Variants in CCDC93 observed in about 807,000 individuals in gnomAD.
CCDC93 encodes the protein CCC complex scaffolding subunit CCDC93, also known as coiled-coil domain-containing protein 93.
A neutral mutation model predicts 108.2 loss-of-function variants in CCDC93; 61 were observed. The ratio of observed to expected loss-of-function variants is 0.56; its 90% CI spans 0.46 to 0.70. CCDC93 has a LOEUF of 0.70. Ranked by LOEUF, CCDC93 falls within the 30% of genes least tolerant of loss-of-function variation. CCDC93 has a pLI of 0.00. For missense variants in CCDC93, 685 were observed against 764.2 expected (o/e 0.90, Z 1.22); for synonymous variants, 276 against 260.4 (o/e 1.06, Z -0.58).
At chr2:117,967,856 A>G (rs569005761) in intron 11 of CCDC93, among the ~76,000 whole-genome samples, 36 of 152,354 alleles carry the variant, frequency 2.4e-4, no homozygotes, top group African/African-American at 6.7e-4. Context: ...TCAACTGCAT[A>G]TAAGTATAAT....
intron 3 of CCDC93, 139 bp from the exon 4 acceptor site, chr2:118,001,071 G>C (rs766652564): frequency 1.7e-6 from 1 of 590,514 alleles, no homozygotes; most frequent in Non-Finnish European, 3.0e-6. Flanking sequence ...GTTTCTCCTA[G>C]ATGACTGCAA....
chr2:117,938,998 T>G (rs368833676), intron 20 of CCDC93, 31 bp downstream of exon 20: 6 of 1,227,190 alleles, frequency 4.9e-6, no homozygotes, highest in Non-Finnish European at 7.2e-6. Context: ...TGTTAGCTGC[T>G]TAGCCATTTT....
intron 6 of CCDC93, among the ~76,000 whole-genome samples, chr2:117,993,020 GA>G (rs945732279): frequency 2.6e-5 from 4 of 152,064 alleles, no homozygotes; most frequent in Admixed American, 6.5e-5. Context: ...CTCTATGGCC[GA>G]AAACTGTACC....
At chr2:117,978,573 CTA>C (rs1413810469) in intron 7 of CCDC93, among the ~76,000 whole-genome samples, 4 of 152,138 alleles carry the variant, frequency 2.6e-5, no homozygotes, top group Non-Finnish European at 4.4e-5. Context: ...TCTAATTAAT[CTA>C]TGTTTTTTTA....
intron 3 of CCDC93, among the ~76,000 whole-genome samples, chr2:118,002,372 T>C (rs1159549720): frequency 6.6e-6 from 1 of 152,194 alleles, no homozygotes; most frequent in Non-Finnish European, 1.5e-5. Context: ...GTTTCACCCC[T>C]CAGTCTTAGT....
At chr2:117,962,854 A>G (rs1679438979) in intron 11 of CCDC93, among the ~76,000 whole-genome samples, 1 of 152,156 alleles carries the variant, frequency 6.6e-6, no homozygotes, top group Non-Finnish European at 1.5e-5. Context: ...GATTTTTACA[A>G]TTCAGTAACA....
At chr2:117,975,706 T>C (rs1285040459) in intron 8 of CCDC93, among the ~76,000 whole-genome samples, 1 of 152,226 alleles carries the variant, frequency 6.6e-6, no homozygotes, top group Non-Finnish European at 1.5e-5. Context: ...CAACAGAACA[T>C]GCCAGAGTGC....
Position 117,926,551 on chromosome 2 carries a change from C to T in CCDC93, c.1842+4486G>A, listed in dbSNP as rs1284665730. Among the ~76,000 whole-genome samples the T allele has an allele frequency of 4.6e-5, 7 of 152,276 alleles. No individual in the cohort carries two copies. In the South Asian group the frequency reaches 1.5e-3, roughly 32 times the overall value. ...GGATAAATTCCTGGACACATACACCCTCCCAAGACTAAACGAGGAAGAAGT... is the reference window on the plus strand; with the variant it reads ...GGATAAATTCCTGGACACATACACCTTCCCAAGACTAAACGAGGAAGAAGT... On this transcript the variant is annotated intron_variant, in intron 23 of 23. Transcript: ENST00000376300.
At chr2:118,011,429 T>C (rs1319740577) in intron 1 of CCDC93, among the ~76,000 whole-genome samples, 1 of 152,062 alleles carries the variant, frequency 6.6e-6, no homozygotes, top group Non-Finnish European at 1.5e-5. Context: ...ACATAAAAAT[T>C]TTCTTAAGTA....
At position 117,990,260 on chromosome 2, in the gene CCDC93, G is replaced by A. The variant is rs553654612; in HGVS notation, c.520-4191C>T. Among the ~76,000 whole-genome samples, 27 of 152,326 alleles carry A rather than the reference G, an allele frequency of 1.8e-4. No homozygotes were observed. In the East Asian group the frequency reaches 3.7e-3, roughly 21 times the overall value. On this transcript the variant is annotated intron_variant, in intron 6 of 23. Transcript: ENST00000376300. ...TATGATTATGATGTGAAAGTGGAAG[G>A]TGGTAGTTTCCACTCCTTATGTCCT...
chr2:117,950,391 T>C (rs2104743357), intron 13 of CCDC93: 4 of 985,308 alleles, frequency 4.1e-6, no homozygotes, highest in South Asian at 9.4e-5. Context: ...CACACGAAAT[T>C]AGAGTTGTGA....
intron 12 of CCDC93, among the ~76,000 whole-genome samples, chr2:117,956,711 T>C (rs1558781865): frequency 1.3e-5 from 2 of 152,202 alleles, no homozygotes; most frequent in African/African-American, 2.4e-5. Context: ...CTTTTCATCC[T>C]TCTTTGATCC....
chr2:117,938,958 G>T, intron 20 of CCDC93, 71 bp downstream of exon 20: 1 of 794,204 alleles, frequency 1.3e-6, no homozygotes, highest in Non-Finnish European at 2.2e-6. Context: ...CAAACATCAA[G>T]TTCATTTGAC....
chr2:117,991,393 A>T (rs949387478), intron 6 of CCDC93, among the ~76,000 whole-genome samples: 2 of 152,190 alleles, frequency 1.3e-5, no homozygotes, highest in South Asian at 4.1e-4. Flanking sequence ...CAGTAATAGT[A>T]CTGCAAAACT....
chr2:117,932,571 C>T (rs1011257285), intron 22 of CCDC93, among the ~76,000 whole-genome samples: 6 of 152,206 alleles, frequency 3.9e-5, no homozygotes, highest in East Asian at 1.9e-4. Context: ...GGTCTGCATA[C>T]GGATGCCTGG....
At chr2:117,953,121 GA>G (rs1232910008) in intron 12 of CCDC93, among the ~76,000 whole-genome samples, 2 of 152,146 alleles carry the variant, frequency 1.3e-5, no homozygotes, top group Non-Finnish European at 1.5e-5. Flanking sequence ...TCACTTTTAA[GA>G]AGGATACAAG....
Position 117,946,890 on chromosome 2 carries a change from A to C in CCDC93, c.1225-8T>G, listed in dbSNP as rs1224910343. The C allele has an allele frequency of 1.2e-6, 2 of 1,606,526 alleles. No individual in the cohort carries two copies. The highest frequency in any genetic ancestry group is 1.7e-6 in the Non-Finnish European group (2 of 1,173,216). ...TAGTCGTGTCATCTCCTCCTTTAAA[A>C]GTGACATGAACTTTTACAAAATTCA... is the stretch of plus-strand genomic sequence containing the variant. On this transcript the variant is annotated splice_region_variant and splice_polypyrimidine_tract_variant and intron_variant, in intron 15 of 23. Coordinates refer to ENST00000376300, the MANE Select transcript of CCDC93 (RefSeq NM_019044.5).
At chr2:117,927,595 C>G (rs981347733) in intron 23 of CCDC93, among the ~76,000 whole-genome samples, 4 of 152,090 alleles carry the variant, frequency 2.6e-5, no homozygotes, top group Admixed American at 6.5e-5. Context: ...AACCACTGCT[C>G]GATGAAATAA....
chr2:117,941,404 C>T (rs1312804449), intron 18 of CCDC93, 107 bp from the exon 19 acceptor site: 4 of 772,586 alleles, frequency 5.2e-6, no homozygotes, highest in East Asian at 5.2e-5. Flanking sequence ...CAACCATGCG[C>T]CCTACAATGC....
Sources: allele counts gnomAD v4.1 joint callset (sites outside exome capture counted in the v4.1 genomes callset), GRCh38; gene constraint gnomAD v4.1.1; transcripts MANE v1.5; gene names NCBI Gene and HGNC (gene_info 2026-07-23, HGNC 2026-07-21).